The following CFAP73 variants were observed in gnomAD, a reference collection of about 807,000 sequenced individuals.
The protein encoded by CFAP73 is cilia- and flagella-associated protein 73.
Under a neutral mutation model 42.9 loss-of-function variants are expected in CFAP73, and 33 were observed. That is an observed-to-expected ratio of 0.77 (90% CI 0.58 to 1.03). CFAP73 has a LOEUF of 1.03. Ranked by LOEUF, CFAP73 falls within the 50% of genes least tolerant of loss-of-function variation. The pLI, the probability that CFAP73 is intolerant of heterozygous loss-of-function variation, is 0.00. For missense variants in CFAP73, 392 were observed against 411.9 expected (o/e 0.95, Z 0.42); for synonymous variants, 162 against 186.8 (o/e 0.87, Z 1.08).
chr12:113,151,952 C>T lies in CFAP73; in HGVS notation c.91C>T (p.Pro31Ser). 1 of 1,551,626 alleles carries T rather than the reference C, an allele frequency of 6.4e-7. No homozygotes were observed. The highest frequency in any genetic ancestry group is 8.7e-7 in the Non-Finnish European group (1 of 1,146,962). Residue 31 changes from proline (P) to serine (S), a missense_variant, in exon 2 of 8, where the codon CCA (proline) becomes TCA (serine). Pro to Ser is a moderately conservative substitution (Grantham distance 74). Transcript: ENST00000335621. ...AGAGCAGGCTGAGGATCATGTCCCA[C>T]CAGTACTGCGTCTCCTGGAGAAGAG... ...LPEQAEDHVP[P>S]VLRLLEKRQE...
chr12:113,159,249 G>T lies in CFAP73; in HGVS notation c.*560G>T. The stretch of plus-strand genomic sequence containing the variant: ...GTGGCCCAGTGTCTGTACACAGTAG[G>T]TGGCTAATAAAGTTTTAGGCAGCCT... On this transcript the variant is annotated 3_prime_UTR_variant, in exon 8 of 8. Transcript: ENST00000335621. 1 of 974,302 alleles carries T rather than the reference G, an allele frequency of 1.0e-6. No homozygotes were observed. The allele number at this position is 974,302 out of a possible 1,614,324, so 60.4% of individuals were successfully genotyped here.
rs192963649 is a variant in CFAP73 at position 113,159,045 on chromosome 12, C to T, written c.*356C>T. 7.4e-6 allele frequency: 12 copies of T among 1,611,276 alleles called. No individual in the cohort carries two copies. The Admixed American group carries it at 1.3e-4, about 18-fold the overall frequency. ...GGCGCCGCTGCTTCAGGATCTGCTG[C>T]TTGGTCTTGAGTTCCGGGCGGACTC... On this transcript the variant is annotated 3_prime_UTR_variant, in exon 8 of 8. Coordinates refer to ENST00000335621, the MANE Select transcript of CFAP73 (RefSeq NM_001144872.3).
At chr12:113,150,010 G>A in intron 1 of CFAP73, 97 bp downstream of exon 1, 1 of 1,213,324 alleles carries the variant, frequency 8.2e-7, no homozygotes, top group South Asian at 1.3e-5. Flanking sequence ...CTGGCTTTGG[G>A]CAGATCATAG....
At position 113,158,762 on chromosome 12, in the gene CFAP73, T is replaced by A; in HGVS notation, c.*73T>A. Reference sequence around the variant, plus strand: ...GCTCCTTTTCACAGATGATGGCTCCTGCAGGGAGTGCCCCCAGTGCCCAGC... The same window carrying A: ...GCTCCTTTTCACAGATGATGGCTCCAGCAGGGAGTGCCCCCAGTGCCCAGC... On this transcript the variant is annotated 3_prime_UTR_variant, in exon 8 of 8. Coordinates refer to ENST00000335621, the MANE Select transcript of CFAP73 (RefSeq NM_001144872.3). This position sits in a 1 kb window ranked among gnomAD's most constrained non-coding sequence, Gnocchi z 4.9. 8.5e-7 allele frequency: 1 copy of A among 1,183,218 alleles called. No homozygotes were observed. 73.3% of individuals were successfully genotyped at this position (1,183,218 alleles called of 1,614,324 possible).
At position 113,158,852 on chromosome 12, in the gene CFAP73, G is replaced by A; in HGVS notation, c.*163G>A. 1 of 1,567,346 alleles carries A rather than the reference G, an allele frequency of 6.4e-7. No homozygotes were observed. The highest frequency in any genetic ancestry group is 1.3e-5 in the African/African-American group (1 of 74,104). On this transcript the variant is annotated 3_prime_UTR_variant, in exon 8 of 8. Transcript: ENST00000335621. The surrounding 1 kb of genome is among the most constrained non-coding windows in gnomAD (Gnocchi z 4.9). ...GATGCCCACCCTAAGGCCAATCAAG[G>A]AGCCACGGGGCTGGGTCCTGGTCCT...
chr12:113,154,658 G>T lies in CFAP73; in HGVS notation c.690+23G>T. Reference sequence around the variant, plus strand: ...TGGGTACGACCCGCCCTAGGTGGGGGGCGCTCCGGACCCCAGGCTTCCACA... The same window carrying T: ...TGGGTACGACCCGCCCTAGGTGGGGTGCGCTCCGGACCCCAGGCTTCCACA... On this transcript the variant is annotated intron_variant, in intron 5 of 7. Transcript: ENST00000335621. The surrounding 1 kb of genome is among the most constrained non-coding windows in gnomAD (Gnocchi z 4.7). The T allele has an allele frequency of 7.2e-7, 1 of 1,383,720 alleles. No homozygotes were observed. The highest frequency in any genetic ancestry group is 9.3e-7 in the Non-Finnish European group (1 of 1,078,160). The allele number at this position is 1,383,720 out of a possible 1,614,324, so 85.7% of individuals were successfully genotyped here. A position where few individuals can be genotyped will look rare whatever the true frequency, so the allele number is the denominator to read the frequency against.
chr12:113,155,569 G>A (rs1952114417), intron 6 of CFAP73, among the ~76,000 whole-genome samples, 151 bp downstream of exon 6: 1 of 152,128 alleles, frequency 6.6e-6, no homozygotes, highest in Admixed American at 6.6e-5. Context: ...TCGATTGTCG[G>A]GCAGGCACCC....
At chr12:113,152,137 C>T (rs1952069050) in intron 2 of CFAP73, 114 bp downstream of exon 2, 4 of 710,184 alleles carry the variant, frequency 5.6e-6, no homozygotes, top group African/African-American at 1.8e-5. Flanking sequence ...GCCTTGATTT[C>T]CTCATCGTCA....
At chr12:113,151,280 G>C (rs899095217) in intron 1 of CFAP73, among the ~76,000 whole-genome samples, 1 of 152,126 alleles carries the variant, frequency 6.6e-6, no homozygotes, top group Non-Finnish European at 1.5e-5. Context: ...TCAGGATTTC[G>C]AGACCAGCCT....
At chr12:113,155,884 A>AGGGT (rs1952118694) in intron 6 of CFAP73, among the ~76,000 whole-genome samples, 1 of 148,376 alleles carries the variant, frequency 6.7e-6, no homozygotes, top group Non-Finnish European at 1.5e-5. Context: ...AGGGAGGGTG[A>AGGGT]GGGTGGGGTT....
At position 113,158,110 on chromosome 12, in the gene CFAP73, C is replaced by A; in HGVS notation, c.*11+420C>A. On this transcript the variant is annotated intron_variant, in intron 7 of 7. Coordinates refer to ENST00000335621, the MANE Select transcript of CFAP73 (RefSeq NM_001144872.3). This position sits in a 1 kb window ranked among gnomAD's most constrained non-coding sequence, Gnocchi z 4.9. The stretch of plus-strand genomic sequence containing the variant: ...ATCCAGCTGCTGGGGCTGCCCTTGA[C>A]CTTCTCAGAACCTCAAACAGGGGGT... 1 of 184,438 alleles carries A rather than the reference C, an allele frequency of 5.4e-6. No homozygotes were observed. Among genetic ancestry groups the A allele is most frequent in the Non-Finnish European group, 1.2e-5 (1 of 86,868 alleles). 11.4% of individuals were successfully genotyped at this position (184,438 alleles called of 1,614,324 possible).
chr12:113,152,900 TC>T lies in CFAP73; in HGVS notation c.267+15del. On this transcript the variant is annotated intron_variant, in intron 3 of 7. Coordinates refer to ENST00000335621, the MANE Select transcript of CFAP73 (RefSeq NM_001144872.3). Reference sequence around the variant, plus strand: ...CAAGTTTTTGCAGGTAGGTGGAGCCTCCTGGGGGGGAGGCGGGGCCTATGGG... The same window carrying T: ...CAAGTTTTTGCAGGTAGGTGGAGCCTCTGGGGGGGAGGCGGGGCCTATGGG... 2.0e-6 allele frequency: 3 copies of T among 1,530,990 alleles called. No homozygotes were observed. The highest frequency in any genetic ancestry group is 2.7e-6 in the Non-Finnish European group (3 of 1,128,200). The allele number at this position is 1,530,990 out of a possible 1,614,324, so 94.8% of individuals were successfully genotyped here.
intron 4 of CFAP73, 143 bp downstream of exon 4, chr12:113,153,551 C>A (rs1462977224): frequency 2.9e-6 from 2 of 680,044 alleles, no homozygotes; most frequent in Non-Finnish European, 4.5e-6. Flanking sequence ...ACTTATGGAG[C>A]GCTCACTGTA....
At chr12:113,149,939 G>T in intron 1 of CFAP73, 26 bp downstream of exon 1, 1 of 1,549,972 alleles carries the variant, frequency 6.5e-7, no homozygotes, top group Non-Finnish European at 8.7e-7. Flanking sequence ...AGGGAGGGAG[G>T]GCTAGAAGGA....
In CFAP73 at chr12:113,153,266, C is replaced by G. The variant is rs1339907842; in HGVS notation, c.326C>G (p.Ala109Gly). Residue 109 changes from alanine (A) to glycine (G), a missense_variant, in exon 4 of 8, where the codon GCG (alanine) becomes GGG (glycine). Coordinates refer to ENST00000335621, the MANE Select transcript of CFAP73 (RefSeq NM_001144872.3). ...AGGGCGGCGGAGGAGAGGCACCAGG[C>G]GGGCCGTCGGGAGGTGGAGGCGCTG... is the stretch of plus-strand genomic sequence containing the variant. ...LRRAAEERHQAGRREVEALRL... is the reference protein window; with the variant it reads ...LRRAAEERHQGGRREVEALRL... 1 of 1,515,218 alleles carries G rather than the reference C, an allele frequency of 6.6e-7. No homozygotes were observed. The highest frequency in any genetic ancestry group is 8.8e-7 in the Non-Finnish European group (1 of 1,138,498). The allele number at this position is 1,515,218 out of a possible 1,614,324, so 93.9% of individuals were successfully genotyped here.
In CFAP73 at chr12:113,153,064, G is replaced by A. The variant is rs1389680849; in HGVS notation, c.268-144G>A. 6.1e-5 allele frequency: 58 copies of A among 949,766 alleles called. 1 individual carries two copies. The African/African-American group carries it at 8.8e-4, about 14-fold the overall frequency. The allele number at this position is 949,766 out of a possible 1,614,324, so 58.8% of individuals were successfully genotyped here. A position where few individuals can be genotyped will look rare whatever the true frequency, so the allele number is the denominator to read the frequency against. ...TTAAAAAAAAAAAAAGCGGGCGGGG[G>A]AGTTGGGTGAAGAGCCAGCTTCCGA... On this transcript the variant is annotated intron_variant, in intron 3 of 7. Transcript: ENST00000335621.
intron 4 of CFAP73, 38 bp downstream of exon 4, chr12:113,153,446 C>T: frequency 7.3e-7 from 1 of 1,364,876 alleles, no homozygotes; most frequent in Non-Finnish European, 9.4e-7. Context: ...TCGGCGCCAC[C>T]GCGTGGCGCT....
In CFAP73 at chr12:113,153,271, C is replaced by T; in HGVS notation, c.331C>T (p.Arg111Cys). 3 of 1,518,088 alleles carry T rather than the reference C, an allele frequency of 2.0e-6. No homozygotes were observed. The highest frequency in any genetic ancestry group is 2.6e-6 in the Non-Finnish European group (3 of 1,139,372). The allele number at this position is 1,518,088 out of a possible 1,614,324, so 94.0% of individuals were successfully genotyped here. ...GGCGGAGGAGAGGCACCAGGCGGGC[C>T]GTCGGGAGGTGGAGGCGCTGCGTCT... ...RAAEERHQAG[R>C]REVEALRLWT... The change falls in exon 4 of 8, where the codon CGT becomes TGT. Residue 111 changes from arginine to cysteine, a missense_variant. Arg to Cys is a radical substitution (Grantham distance 180). Transcript: ENST00000335621.
intron 2 of CFAP73, 51 bp downstream of exon 2, chr12:113,152,074 T>C: frequency 7.6e-7 from 1 of 1,320,198 alleles, no homozygotes; most frequent in East Asian, 2.5e-5. Flanking sequence ...TGGGAAGTGA[T>C]GGAGCCAATT....
Sources: allele counts gnomAD v4.1 joint callset (sites outside exome capture counted in the v4.1 genomes callset), GRCh38; gene constraint gnomAD v4.1.1; non-coding constraint Gnocchi (gnomAD v3.1); transcripts MANE v1.5; gene names NCBI Gene and HGNC (gene_info 2026-07-23, HGNC 2026-07-21).